Variants in STARD9 observed in about 807,000 individuals in gnomAD.
STARD9 encodes the protein StAR related lipid transfer domain containing 9.
Under a neutral mutation model 399.8 loss-of-function variants are expected in STARD9, and 346 were observed. The ratio of observed to expected loss-of-function variants is 0.87; its 90% CI spans 0.79 to 0.95. The LOEUF is 0.95. STARD9 is among the 40% of genes least tolerant of loss of function. STARD9 has a pLI of 0.00. For missense variants in STARD9, 5,832 were observed against 5,667.5 expected, an observed-to-expected ratio of 1.03 and a Z score of -0.93; for synonymous variants, 2,203 against 2,143.5, an observed-to-expected ratio of 1.03 and a Z score of -0.77.
At chr15:42,671,908 C>T (rs1446934063) in intron 16 of STARD9, 2 of 152,216 alleles carry the variant, frequency 1.3e-5, no homozygotes, top group African/African-American at 4.8e-5. Context: ...TCCTAAAGTT[C>T]TGGGACTACA....
At chr15:42,677,220 C>T (rs192778046) in intron 20 of STARD9, among the ~76,000 whole-genome samples, 27 of 151,738 alleles carry the variant, frequency 1.8e-4, no homozygotes, top group Admixed American at 7.2e-4. Context: ...GCCGACATTG[C>T]GCCACTGCAC....
intron 10 of STARD9, among the ~76,000 whole-genome samples, chr15:42,661,967 A>G (rs2060002055): frequency 6.6e-6 from 1 of 152,010 alleles, no homozygotes; most frequent in Non-Finnish European, 1.5e-5. Flanking sequence ...TTTTTTCTTT[A>G]ATATTGATTT....
At position 42,592,425 on chromosome 15, in the gene STARD9, GT is replaced by G. The variant is rs1274767103; in HGVS notation, c.234+6796del. 2.6e-5 allele frequency among the ~76,000 whole-genome samples: 4 copies of G among 151,786 alleles called. No homozygotes were observed. In the East Asian group the frequency reaches 7.7e-4, roughly 29 times the overall value. On this transcript the variant is annotated intron_variant, in intron 3 of 32. Transcript: ENST00000290607. ...TCCTTGACCCTGGTGTCAGCTTCCTGTTTTTTTTCTTTTTCTTTTTTCTTTT... is the reference window on the plus strand; with the variant it reads ...TCCTTGACCCTGGTGTCAGCTTCCTGTTTTTTTCTTTTTCTTTTTTCTTTT...
chr15:42,719,634 T>A lies in STARD9; in HGVS notation c.*60T>A. 1 of 1,095,084 alleles carries A rather than the reference T, an allele frequency of 9.1e-7. No individual in the cohort carries two copies. The highest frequency in any genetic ancestry group is 1.4e-5 in the South Asian group (1 of 72,600). 67.8% of individuals were successfully genotyped at this position (1,095,084 alleles called of 1,614,324 possible). A position where few individuals can be genotyped will look rare whatever the true frequency, so the allele number is the denominator to read the frequency against. On this transcript the variant is annotated 3_prime_UTR_variant, in exon 33 of 33. Coordinates refer to ENST00000290607, the MANE Select transcript of STARD9 (RefSeq NM_020759.3). Reference sequence around the variant, plus strand: ...GGCCCAGGCTGCTCAAGAGAGACACTGTGGCAGCTCCTTGTTACTTTCCAT... The same window carrying A: ...GGCCCAGGCTGCTCAAGAGAGACACAGTGGCAGCTCCTTGTTACTTTCCAT...
rs1488360695 is a variant in STARD9, at chr15:42,684,804, G to T, written c.3226G>T (p.Asp1076Tyr). The T allele has an allele frequency of 2.0e-6, 3 of 1,537,116 alleles. No individual in the cohort carries two copies. Among genetic ancestry groups the T allele is most frequent in the African/African-American group, 2.7e-5 (2 of 73,136 alleles). The part of the protein sequence containing the change: ...SPLKRQQNTR[D>Y]PDTMVPLTDF... ...TTTGAAGAGACAACAAAATACAAGG[G>T]ACCCAGACACCATGGTCCCACTCAC... is the stretch of plus-strand genomic sequence containing the variant. Residue 1076 changes from aspartate (D) to tyrosine (Y), a missense_variant, in exon 23 of 33, where the codon GAC becomes TAC. Coordinates refer to ENST00000290607, the MANE Select transcript of STARD9 (RefSeq NM_020759.3).
chr15:42,696,709 A>G (rs563548233), intron 26 of STARD9, among the ~76,000 whole-genome samples: 4 of 152,178 alleles, frequency 2.6e-5, no homozygotes, highest in Non-Finnish European at 4.4e-5. Context: ...AGACGAACAG[A>G]GGAGGATGTA....
At chr15:42,591,884 T>G (rs2058402561) in intron 3 of STARD9, among the ~76,000 whole-genome samples, 1 of 152,228 alleles carries the variant, frequency 6.6e-6, no homozygotes, top group Non-Finnish European at 1.5e-5. Flanking sequence ...ATCACTTCAT[T>G]CACGTTCTAT....
Position 42,692,799 on chromosome 15 carries a change from A to G in STARD9, c.11221A>G (p.Thr3741Ala). Reference protein sequence around the residue: ...TVDEGSQTDLTLPTLCLQTSE... With the variant: ...TVDEGSQTDLALPTLCLQTSE... ...GGATGAGGGCAGCCAGACTGACCTC[A>G]CCTTACCCACCCTGTGCCTCCAGAC... The change falls in exon 23 of 33, where the codon ACC (threonine) becomes GCC (alanine). Residue 3741 changes from threonine (T) to alanine (A), a missense_variant. Thr to Ala is a moderately conservative substitution (Grantham distance 58, BLOSUM62 0). This residue lies in a region of STARD9 where 5,828 missense variants were observed against 5,651.1 expected (regional missense o/e 1.03). Transcript: ENST00000290607. 6.5e-7 allele frequency: 1 copy of G among 1,537,110 alleles called. No individual in the cohort carries two copies. Among genetic ancestry groups the G allele is most frequent in the Non-Finnish European group, 8.7e-7 (1 of 1,146,878 alleles).
intron 3 of STARD9, among the ~76,000 whole-genome samples, chr15:42,613,160 G>A (rs772715568): frequency 1.1e-4 from 17 of 152,026 alleles, no homozygotes; most frequent in Non-Finnish European, 2.2e-4. Context: ...TATAATGAGT[G>A]TATGTATCTG....
chr15:42,685,300 C>G lies in STARD9; in HGVS notation c.3722C>G (p.Ser1241Cys), dbSNP rs1566935060. The change falls in exon 23 of 33, where the codon TCT (serine) becomes TGT (cysteine). Residue 1241 changes from serine to cysteine, a missense_variant. Physicochemically the swap from Ser to Cys is moderately radical, Grantham distance 112 (BLOSUM62 -1). This residue lies in a region of STARD9 where 5,828 missense variants were observed against 5,651.1 expected (regional missense o/e 1.03). Transcript: ENST00000290607. ...GAGACTTTTTGGCACCTGGAGGACT[C>G]TAGTCTGCCTGTAATGGACCAAGAG... Reference protein sequence around the residue: ...PTETFWHLEDSSLPVMDQEAI... With the variant: ...PTETFWHLEDCSLPVMDQEAI... 2 of 1,537,518 alleles carry G rather than the reference C, an allele frequency of 1.3e-6. No homozygotes were observed. The highest frequency in any genetic ancestry group is 1.7e-6 in the Non-Finnish European group (2 of 1,146,984).
chr15:42,581,096 C>G, intron 1 of STARD9: 1 of 672,914 alleles, frequency 1.5e-6, no homozygotes. Context: ...ACCAGTGTTG[C>G]TGCTTTTCTT....
At chr15:42,647,431 A>G (rs934801771) in intron 7 of STARD9, among the ~76,000 whole-genome samples, 1 of 152,198 alleles carries the variant, frequency 6.6e-6, no homozygotes, top group Admixed American at 6.5e-5. Context: ...TTACATGCAT[A>G]CAAAATTAGA....
chr15:42,632,691 A>T (rs1240957585), intron 3 of STARD9, among the ~76,000 whole-genome samples: 1 of 152,196 alleles, frequency 6.6e-6, no homozygotes, highest in East Asian at 1.9e-4. Context: ...CAAATAAACT[A>T]ACAAAGAGAA....
intron 26 of STARD9, among the ~76,000 whole-genome samples, chr15:42,696,518 C>A (rs1281028868): frequency 6.6e-6 from 1 of 152,162 alleles, no homozygotes; most frequent in Non-Finnish European, 1.5e-5. Context: ...CTTTCTAATC[C>A]ATCTCATTGT....
In STARD9 at chr15:42,686,977, T is replaced by C. The variant is rs1440251745; in HGVS notation, c.5399T>C (p.Val1800Ala). The C allele has an allele frequency of 2.0e-6, 3 of 1,536,700 alleles. No individual in the cohort carries two copies. The highest frequency in any genetic ancestry group is 2.6e-6 in the Non-Finnish European group (3 of 1,146,722). Reference protein sequence around the residue: ...QGAYLKNNLPVLLQNQNSKIA... With the variant: ...QGAYLKNNLPALLQNQNSKIA... Reference sequence around the variant, plus strand: ...GCTTATTTGAAGAATAATTTGCCAGTGCTGTTACAAAACCAGAATTCTAAG... The same window carrying C: ...GCTTATTTGAAGAATAATTTGCCAGCGCTGTTACAAAACCAGAATTCTAAG... The change falls in exon 23 of 33, where the codon GTG becomes GCG. Residue 1800 changes from valine (V) to alanine (A), a missense_variant. Around this residue, in one of 2 missense-constraint regions of STARD9, gnomAD observed 5,828 missense variants for 5,651.1 expected, o/e 1.03. Coordinates refer to ENST00000290607, the MANE Select transcript of STARD9 (RefSeq NM_020759.3).
chr15:42,620,504 T>C (rs2059068454), intron 3 of STARD9, among the ~76,000 whole-genome samples: 2 of 151,996 alleles, frequency 1.3e-5, no homozygotes, highest in African/African-American at 4.8e-5. Flanking sequence ...TTCAGGAAAT[T>C]AAAGTGTTAA....
At chr15:42,671,325 A>C (rs572825533) in intron 16 of STARD9, 12 of 152,038 alleles carry the variant, frequency 7.9e-5, no homozygotes, top group African/African-American at 2.9e-4. Flanking sequence ...GAAATTGAAC[A>C]CTTAAAGGAT....
chr15:42,614,919 C>T (rs1216437052), intron 3 of STARD9, among the ~76,000 whole-genome samples: 2 of 151,702 alleles, frequency 1.3e-5, no homozygotes, highest in Admixed American at 6.6e-5. Context: ...GAGCTGAGAT[C>T]GTGTCACTGC....
At chr15:42,643,421 C>T (rs2059579906) in intron 7 of STARD9, among the ~76,000 whole-genome samples, 1 of 152,120 alleles carries the variant, frequency 6.6e-6, no homozygotes, top group South Asian at 2.1e-4. Context: ...GTCTCGAACT[C>T]CTGACCTCAG....
Sources: gnomAD v4.1 joint callset for allele counts (sites outside exome capture counted in the v4.1 genomes callset) on GRCh38, gnomAD v4.1.1 for gene constraint, gnomAD v4.1.1 regional missense constraint, MANE v1.5 for transcripts, NCBI Gene and HGNC (gene_info 2026-07-23, HGNC 2026-07-21) for gene names.